PIK3CB: variants seen among roughly 807,000 people sequenced by gnomAD.
The protein encoded by PIK3CB is phosphatidylinositol 4,5-bisphosphate 3-kinase catalytic subunit beta isoform.
In PIK3CB, 39 loss-of-function variants were observed where a neutral mutation model predicts 136.8. The ratio of observed to expected loss-of-function variants is 0.29; its 90% confidence interval spans 0.22 to 0.37. PIK3CB has a LOEUF of 0.37. Among genes scored for constraint, PIK3CB ranks in the 10% least tolerant of loss-of-function variants. PIK3CB has a pLI of 1.00. For synonymous variants in PIK3CB, 428 were observed against 436.6 expected, an observed-to-expected ratio of 0.98 and a Z score of 0.25; for missense variants, 868 against 1,275.4, an observed-to-expected ratio of 0.68 and a Z score of 4.87.
intron 19 of PIK3CB, among the ~76,000 whole-genome samples, chr3:138,680,766 C>T (rs2043756283): frequency 6.6e-6 from 1 of 152,006 alleles, no homozygotes; most frequent in Non-Finnish European, 1.5e-5. Context: ...TCGCTCACCG[C>T]AACTTCCGCC....
intron 1 of PIK3CB, among the ~76,000 whole-genome samples, chr3:138,819,727 C>A (rs887374612): frequency 3.9e-5 from 6 of 152,254 alleles, no homozygotes; most frequent in African/African-American, 1.4e-4. Flanking sequence ...GTAATCCCAA[C>A]GCTTTAGGAG....
intron 2 of PIK3CB, among the ~76,000 whole-genome samples, chr3:138,760,677 T>C (rs954638076): frequency 6.6e-6 from 1 of 152,108 alleles, no homozygotes; most frequent in Non-Finnish European, 1.5e-5. Flanking sequence ...GAGGCTTAGA[T>C]GGGTGGATTG....
At chr3:138,807,894 CAAA>C (rs35759774) in intron 1 of PIK3CB, among the ~76,000 whole-genome samples, 4 of 129,196 alleles carry the variant, frequency 3.1e-5, no homozygotes, top group Admixed American at 1.6e-4. Flanking sequence ...GATCCTGTCT[CAAA>C]AAAAAAAAAA....
At chr3:138,677,122 C>G (rs2043664451) in intron 19 of PIK3CB, among the ~76,000 whole-genome samples, 1 of 147,882 alleles carries the variant, frequency 6.8e-6, no homozygotes, top group South Asian at 2.1e-4. Context: ...TGCAATGGTG[C>G]CATCTCCGCT....
chr3:138,768,028 T>C (rs994553587), intron 2 of PIK3CB, among the ~76,000 whole-genome samples: 3 of 152,130 alleles, frequency 2.0e-5, no homozygotes, highest in African/African-American at 7.2e-5. Flanking sequence ...AAGCGGAGGG[T>C]GAGCAAGACA....
intron 8 of PIK3CB, among the ~76,000 whole-genome samples, chr3:138,729,512 C>T (rs2044923024): frequency 3.3e-5 from 5 of 152,156 alleles, no homozygotes; most frequent in Admixed American, 2.0e-4. Context: ...AGCTGAATAC[C>T]TGAAGAGAAC....
At chr3:138,813,309 G>A (rs1384027495) in intron 1 of PIK3CB, among the ~76,000 whole-genome samples, 1 of 151,928 alleles carries the variant, frequency 6.6e-6, no homozygotes, top group Non-Finnish European at 1.5e-5. Flanking sequence ...AAGTGATACA[G>A]TTCCCAAAGA....
At chr3:138,704,401 C>A in intron 12 of PIK3CB, 42 bp downstream of exon 12, 1 of 1,338,052 alleles carries the variant, frequency 7.5e-7, no homozygotes, top group Non-Finnish European at 1.1e-6. Context: ...ATAATGTGCA[C>A]AACTCCATAA....
In PIK3CB at chr3:138,755,947, C is replaced by T; in HGVS notation, c.204G>A (p.Met68Ile). ...MLWKQVHNYP[M>I]FNLLMDIDSY... The stretch of plus-strand genomic sequence containing the variant: ...AGTCAATATCCATAAGGAGGTTGAA[C>T]ATTGGGTAATTGTGAACTTGCTTCC... Residue 68 changes from methionine to isoleucine, a missense_variant, in exon 4 of 24, where the codon ATG becomes ATA. By Grantham distance (10) the Met-to-Ile change is conservative. This residue lies in a region of PIK3CB where 612 missense variants were observed against 801.1 expected (regional missense o/e 0.76). Transcript: ENST00000674063. 2 of 1,608,182 alleles carry T rather than the reference C, an allele frequency of 1.2e-6. No homozygotes were observed. The highest frequency in any genetic ancestry group is 1.7e-6 in the Non-Finnish European group (2 of 1,175,958).
chr3:138,712,633 C>G (rs1193912603), intron 9 of PIK3CB, among the ~76,000 whole-genome samples: 1 of 141,008 alleles, frequency 7.1e-6, no homozygotes, highest in Non-Finnish European at 1.5e-5. Context: ...GTGGTGTGAT[C>G]TCGGCTCACT....
chr3:138,750,163 G>A (rs188532129), intron 4 of PIK3CB, among the ~76,000 whole-genome samples: 2 of 152,274 alleles, frequency 1.3e-5, no homozygotes, highest in South Asian at 2.1e-4. Flanking sequence ...ATAGGAATAA[G>A]CCCCCAAGCT....
intron 1 of PIK3CB, among the ~76,000 whole-genome samples, chr3:138,829,138 C>T (rs1385972694): frequency 6.6e-6 from 1 of 151,486 alleles, no homozygotes; most frequent in Non-Finnish European, 1.5e-5. Flanking sequence ...AGCACTCAAA[C>T]AGATTATGAC....
rs2108486090 is a variant in PIK3CB, at chr3:138,683,775, G to A, written c.2328C>T (p.Cys776=). 3 of 1,582,546 alleles carry A rather than the reference G, an allele frequency of 1.9e-6. No individual in the cohort carries two copies. Among genetic ancestry groups the A allele is most frequent in the Non-Finnish European group, 2.6e-6 (3 of 1,151,900 alleles). The change falls in exon 18 of 24, where the codon TGC becomes TGT. Residue 776 remains cysteine (C), a synonymous_variant. Coordinates refer to ENST00000674063, the MANE Select transcript of PIK3CB (RefSeq NM_006219.3). ...GCTTCATTTTGGAATCCATGTATTT[G>A]CACTTTTCAACACTGAAATCAAGTG... ...VILSELYVEK[C]KYMDSKMKPL...
chr3:138,828,342 C>T (rs1933878979), intron 1 of PIK3CB, among the ~76,000 whole-genome samples: 2 of 151,660 alleles, frequency 1.3e-5, no homozygotes, highest in African/African-American at 4.8e-5. Flanking sequence ...CCCGCCACCA[C>T]GCCCGGCTAA....
chr3:138,688,799 A>T, intron 16 of PIK3CB, 76 bp downstream of exon 16: 2 of 847,780 alleles, frequency 2.4e-6, no homozygotes, highest in Non-Finnish European at 3.9e-6. Context: ...CATGAAGATT[A>T]AAACAAGCTG....
intron 3 of PIK3CB, among the ~76,000 whole-genome samples, chr3:138,757,764 G>A (rs1415236335): frequency 1.3e-5 from 2 of 151,980 alleles, no homozygotes. Flanking sequence ...AATAGCATGT[G>A]TTGGCCAGTA....
At chr3:138,759,481 G>A in intron 2 of PIK3CB, 122 bp from the exon 3 acceptor site, 1 of 562,662 alleles carries the variant, frequency 1.8e-6, no homozygotes, top group Non-Finnish European at 3.1e-6. Context: ...AATGTAACAG[G>A]AGGCCAATTA....
intron 1 of PIK3CB, among the ~76,000 whole-genome samples, chr3:138,806,956 T>C (rs2046240956): frequency 6.6e-6 from 1 of 152,250 alleles, no homozygotes; most frequent in African/African-American, 2.4e-5. Flanking sequence ...CTCCTATAAC[T>C]TTTTGCAGTA....
At chr3:138,717,532 G>GTT (rs11443923) in intron 8 of PIK3CB, among the ~76,000 whole-genome samples, 104 of 151,026 alleles carry the variant, frequency 6.9e-4, no homozygotes, top group Admixed American at 5.5e-3. Flanking sequence ...ATTTTTTGTG[G>GTT]TTTTTTTTTA....
Sources: gnomAD v4.1 joint callset for allele counts (sites outside exome capture counted in the v4.1 genomes callset) on GRCh38, gnomAD v4.1.1 for gene constraint, gnomAD v4.1.1 regional missense constraint, MANE v1.5 for transcripts, NCBI Gene and HGNC (gene_info 2026-07-23, HGNC 2026-07-21) for gene names.